Variants in FSIP1 observed in about 807,000 individuals in gnomAD.
FSIP1 encodes fibrous sheath interacting protein 1.
Under a neutral mutation model 60.9 loss-of-function variants are expected in FSIP1, and 65 were observed. That is an observed-to-expected ratio of 1.07 (90% confidence interval 0.87 to 1.31). The LOEUF is 1.31. Among genes scored for constraint, FSIP1 ranks in the 40% most tolerant of loss-of-function variants. FSIP1 has a pLI of 0.00. For synonymous variants in FSIP1, 209 were observed against 221.2 expected (o/e 0.94, Z 0.49); for missense variants, 675 against 665.5 (o/e 1.01, Z -0.16).
chr15:39,774,370 C>T (rs1897984174), intron 2 of FSIP1, among the ~76,000 whole-genome samples: 1 of 151,690 alleles, frequency 6.6e-6, no homozygotes, highest in African/African-American at 2.4e-5. Flanking sequence ...GTAGCCCCGG[C>T]TATTCGGGAG....
chr15:39,684,743 G>A (rs1894296979), intron 10 of FSIP1, among the ~76,000 whole-genome samples: 1 of 152,150 alleles, frequency 6.6e-6, no homozygotes, highest in Admixed American at 6.5e-5. Flanking sequence ...TGTGTGTGGT[G>A]CCTGGGCTTT....
chr15:39,769,689 G>C (rs1018286165), intron 3 of FSIP1, among the ~76,000 whole-genome samples: 12 of 152,198 alleles, frequency 7.9e-5, no homozygotes, highest in African/African-American at 2.7e-4. Flanking sequence ...AAAATTGATA[G>C]TTTTTACTGA....
chr15:39,676,378 A>T (rs577999950), intron 10 of FSIP1, among the ~76,000 whole-genome samples: 16 of 152,246 alleles, frequency 1.1e-4, no homozygotes, highest in Non-Finnish European at 2.1e-4. Flanking sequence ...TTGCTTAAAG[A>T]TAATTTTTGG....
Position 39,718,765 on chromosome 15 carries a change from G to A in FSIP1, c.1051-5184C>T, listed in dbSNP as rs533283471. Reference sequence around the variant, plus strand: ...TCCCGCCTCAGCCTCTCAAAGTGCTGGGATTACAGATGTGAGCCACTGATT... The same window carrying A: ...TCCCGCCTCAGCCTCTCAAAGTGCTAGGATTACAGATGTGAGCCACTGATT... On this transcript the variant is annotated intron_variant, in intron 9 of 11. Coordinates refer to ENST00000350221, the MANE Select transcript of FSIP1 (RefSeq NM_152597.5). Among the ~76,000 whole-genome samples, 3 of 152,256 alleles carry A rather than the reference G, an allele frequency of 2.0e-5. No homozygotes were observed. In the East Asian group the frequency reaches 5.8e-4, roughly 29 times the overall value.
rs562149768 is a variant in FSIP1, at chr15:39,718,261, C to T, written c.1051-4680G>A. Reference sequence around the variant, plus strand: ...ATACAGATATAGATATACACACACACACATATATATACACACACACAAATA... The same window carrying T: ...ATACAGATATAGATATACACACACATACATATATATACACACACACAAATA... On this transcript the variant is annotated intron_variant, in intron 9 of 11. Coordinates refer to ENST00000350221, the MANE Select transcript of FSIP1 (RefSeq NM_152597.5). 2.6e-5 allele frequency among the ~76,000 whole-genome samples: 4 copies of T among 151,606 alleles called. No individual in the cohort carries two copies. The South Asian group carries it at 8.3e-4, about 31-fold the overall frequency.
rs1181540129 is a variant in FSIP1 at position 39,713,724 on chromosome 15, TA to T, written c.1051-144del. 6.2e-5 allele frequency: 42 copies of T among 675,944 alleles called. No individual in the cohort carries two copies. The African/African-American group carries it at 7.5e-4, about 12-fold the overall frequency. The allele number at this position is 675,944 out of a possible 1,614,324, so 41.9% of individuals were successfully genotyped here. On this transcript the variant is annotated intron_variant, in intron 9 of 11. Transcript: ENST00000350221. Reference sequence around the variant, plus strand: ...CTTCAAAACAATATGTATAACGCTTTAAAGTCTTCCCATTTTAGGAGGTAAA... The same window carrying T: ...CTTCAAAACAATATGTATAACGCTTTAAGTCTTCCCATTTTAGGAGGTAAA...
At chr15:39,765,490 T>G (rs1897653085) in intron 4 of FSIP1, 102 bp downstream of exon 4, 2 of 786,234 alleles carry the variant, frequency 2.5e-6, no homozygotes. Flanking sequence ...GCAATCCTCC[T>G]GCCTCAGCCT....
intron 11 of FSIP1, among the ~76,000 whole-genome samples, chr15:39,607,735 G>A (rs1244608122): frequency 6.6e-6 from 1 of 152,170 alleles, no homozygotes; most frequent in African/African-American, 2.4e-5. Context: ...GAAATAGTTG[G>A]AACAGACCTC....
intron 10 of FSIP1, among the ~76,000 whole-genome samples, chr15:39,687,170 CAG>C (rs1330704808): frequency 2.5e-4 from 12 of 48,468 alleles, no homozygotes; most frequent in African/African-American, 8.4e-5. Flanking sequence ...TTTTTTGAGA[CAG>C]AGTTTTGCTC....
intron 6 of FSIP1, 81 bp downstream of exon 6, chr15:39,741,724 C>T (rs1457059198): frequency 1.4e-5 from 10 of 726,786 alleles, no homozygotes; most frequent in Non-Finnish European, 2.1e-5. Context: ...ATTACATGAA[C>T]TTATTTCATT....
Position 39,739,752 on chromosome 15 carries a change from G to C in FSIP1, c.693C>G (p.Ile231Met), listed in dbSNP as rs144656037. 93 of 1,585,868 alleles carry C rather than the reference G, an allele frequency of 5.9e-5. No individual in the cohort carries two copies. Among genetic ancestry groups the C allele is most frequent in the Non-Finnish European group, 7.3e-5 (85 of 1,170,346 alleles). ...TCGAGAAAGGTTTCTTTCCTGATTT[G>C]ATCAATGACTCATTTCTTTCCACAT... ...TCDVERNESL[I>M]KSGKKPFSNT... The change falls in exon 7 of 12, where the codon ATC becomes ATG. Residue 231 changes from isoleucine to methionine, a missense_variant. Ile to Met is a conservative substitution (Grantham distance 10). Coordinates refer to ENST00000350221, the MANE Select transcript of FSIP1 (RefSeq NM_152597.5).
intron 11 of FSIP1, among the ~76,000 whole-genome samples, chr15:39,601,984 T>C (rs1890657554): frequency 6.6e-6 from 1 of 152,208 alleles, no homozygotes; most frequent in South Asian, 2.1e-4. Flanking sequence ...GGTACAACTC[T>C]GTAAATATAC....
At chr15:39,657,668 CA>C (rs1267911629) in intron 10 of FSIP1, among the ~76,000 whole-genome samples, 1 of 152,146 alleles carries the variant, frequency 6.6e-6, no homozygotes, top group Non-Finnish European at 1.5e-5. Context: ...TTCATCCTTT[CA>C]CTTATTCATA....
chr15:39,640,305 C>T (rs1247448611), intron 10 of FSIP1, among the ~76,000 whole-genome samples: 1 of 152,140 alleles, frequency 6.6e-6, no homozygotes, highest in African/African-American at 2.4e-5. Context: ...AGAATTTCTT[C>T]AACTGGAATA....
intron 10 of FSIP1, among the ~76,000 whole-genome samples, chr15:39,693,263 G>T (rs1000979081): frequency 6.6e-5 from 10 of 152,178 alleles, no homozygotes; most frequent in African/African-American, 2.4e-4. Context: ...GACTTCCAAT[G>T]CTCTCACTGG....
chr15:39,678,888 C>T (rs528119840), intron 10 of FSIP1, among the ~76,000 whole-genome samples: 39 of 152,234 alleles, frequency 2.6e-4, no homozygotes, highest in Middle Eastern at 3.4e-3. Context: ...CACTGATAGG[C>T]CAGCAAAAGG....
intron 10 of FSIP1, among the ~76,000 whole-genome samples, chr15:39,680,455 C>G (rs1443164190): frequency 6.6e-6 from 1 of 152,186 alleles, no homozygotes; most frequent in Non-Finnish European, 1.5e-5. Context: ...TCCCAGCCTT[C>G]CTTGCTGCTG....
Position 39,668,182 on chromosome 15 carries a change from T to C in FSIP1, c.1188+45262A>G, listed in dbSNP as rs190229589. On this transcript the variant is annotated intron_variant, in intron 10 of 11. Coordinates refer to ENST00000350221, the MANE Select transcript of FSIP1 (RefSeq NM_152597.5). ...TACAGTACTTTTGATGATCTTCTAA[T>C]GAACTATATCATTAAATTTCCAAAA... is the stretch of plus-strand genomic sequence containing the variant. Among the ~76,000 whole-genome samples the C allele has an allele frequency of 3.9e-3, 560 of 142,218 alleles. 1 individual carries two copies. Among genetic ancestry groups the C allele is most frequent in the Admixed American group, 0.011 (156 of 13,912 alleles). The allele number at this position is 142,218 out of a possible 152,430, so 93.3% of individuals were successfully genotyped here.
At chr15:39,694,049 T>C (rs1894714252) in intron 10 of FSIP1, among the ~76,000 whole-genome samples, 1 of 152,180 alleles carries the variant, frequency 6.6e-6, no homozygotes, top group African/African-American at 2.4e-5. Context: ...ACCCTATAAA[T>C]ATATTCAACT....
Sources: gnomAD v4.1 joint callset for allele counts (sites outside exome capture counted in the v4.1 genomes callset) on GRCh38, gnomAD v4.1.1 for gene constraint, MANE v1.5 for transcripts, NCBI Gene and HGNC (gene_info 2026-07-23, HGNC 2026-07-21) for gene names.